The following EYA2 variants were observed in gnomAD, a reference collection of about 807,000 sequenced individuals.
EYA2 encodes EYA transcriptional coactivator and phosphatase 2.
In EYA2, 31 loss-of-function variants were observed where a neutral mutation model predicts 69.2. That is an observed-to-expected ratio of 0.45 (90% confidence interval 0.34 to 0.60). The LOEUF is 0.60. EYA2 is among the 20% of genes least tolerant of loss of function. EYA2 has a pLI of 0.02. For synonymous variants in EYA2, 257 were observed against 279.4 expected (o/e 0.92, Z 0.80); for missense variants, 622 against 701.2 (o/e 0.89, Z 1.28).
intron 12 of EYA2, among the ~76,000 whole-genome samples, chr20:47,174,210 GCCCCCT>G (rs1162837938): frequency 6.6e-6 from 1 of 152,070 alleles, no homozygotes; most frequent in Non-Finnish European, 1.5e-5. Context: ...AACTTCTAGG[GCCCCCT>G]CCCTCCATTC....
chr20:46,970,536 C>T (rs189578347), intron 1 of EYA2, among the ~76,000 whole-genome samples: 1 of 152,178 alleles, frequency 6.6e-6, no homozygotes, highest in Non-Finnish European at 1.5e-5. Context: ...AGTGCCAAGG[C>T]TGAGAATTTC....
chr20:46,993,443 C>T (rs1242608381), intron 2 of EYA2, among the ~76,000 whole-genome samples: 1 of 152,214 alleles, frequency 6.6e-6, no homozygotes, highest in Admixed American at 6.5e-5. Context: ...TTTCCTCTGT[C>T]TGGACCAGTC....
intron 4 of EYA2, among the ~76,000 whole-genome samples, chr20:47,012,262 C>T (rs917618842): frequency 3.3e-5 from 5 of 152,168 alleles, no homozygotes; most frequent in Non-Finnish European, 7.3e-5. Flanking sequence ...GCCTCTTTCT[C>T]TTTGCTGTGA....
In EYA2 at chr20:46,955,296, G is replaced by A. The variant is rs142931926; in HGVS notation, c.-10-34705G>A. 2.1e-3 allele frequency among the ~76,000 whole-genome samples: 320 copies of A among 152,144 alleles called. 2 individuals carry two copies. The highest frequency in any genetic ancestry group is 5.0e-3 in the African/African-American group (207 of 41,504). On this transcript the variant is annotated intron_variant, in intron 1 of 15. Coordinates refer to ENST00000327619, the MANE Select transcript of EYA2 (RefSeq NM_005244.5). ...ACAGGCGTGAGCCACCAGGCCCACC[G>A]GGCCCAGCTGTCATTATTTATTTAA...
intron 4 of EYA2, among the ~76,000 whole-genome samples, chr20:47,011,093 G>A (rs1441315685): frequency 6.6e-6 from 1 of 152,056 alleles, no homozygotes; most frequent in East Asian, 1.9e-4. Context: ...CTGGCCTGAT[G>A]TTTAAAAATA....
intron 12 of EYA2, among the ~76,000 whole-genome samples, chr20:47,179,226 G>A (rs2034483335): frequency 6.9e-6 from 1 of 145,274 alleles, no homozygotes; most frequent in African/African-American, 2.5e-5. Context: ...TGGATATGGG[G>A]TAGATGGGTG....
At chr20:47,038,137 AAAT>A (rs1418678731) in intron 5 of EYA2, among the ~76,000 whole-genome samples, 3 of 152,194 alleles carry the variant, frequency 2.0e-5, no homozygotes, top group Non-Finnish European at 4.4e-5. Flanking sequence ...CATGTAGAAA[AAAT>A]AATAGAGCAA....
At chr20:47,021,263 C>T (rs1250172671) in intron 5 of EYA2, among the ~76,000 whole-genome samples, 1 of 152,174 alleles carries the variant, frequency 6.6e-6, no homozygotes, top group African/African-American at 2.4e-5. Context: ...AAGAGGAATA[C>T]TAATCTGAGA....
chr20:47,100,717 C>G (rs1247687281), intron 9 of EYA2, among the ~76,000 whole-genome samples: 1 of 152,234 alleles, frequency 6.6e-6, no homozygotes, highest in Non-Finnish European at 1.5e-5. Flanking sequence ...CTTCATGACT[C>G]TCCTAGAATT....
At chr20:46,911,820 T>C (rs1048674898) in intron 1 of EYA2, among the ~76,000 whole-genome samples, 2 of 152,112 alleles carry the variant, frequency 1.3e-5, no homozygotes, top group Non-Finnish European at 2.9e-5. Context: ...AGAAGCTGGC[T>C]AATGGGTAGA....
intron 10 of EYA2, among the ~76,000 whole-genome samples, chr20:47,144,425 C>A (rs577433234): frequency 4.2e-4 from 64 of 152,064 alleles, no homozygotes; most frequent in African/African-American, 1.4e-3. Context: ...AATTCTATTT[C>A]TCTTAGTAGG....
intron 5 of EYA2, among the ~76,000 whole-genome samples, chr20:47,028,889 A>C (rs1244126550): frequency 6.6e-6 from 1 of 152,232 alleles, no homozygotes; most frequent in Admixed American, 6.5e-5. Flanking sequence ...GCCCCACCCC[A>C]TTAAAGCTGG....
intron 5 of EYA2, among the ~76,000 whole-genome samples, chr20:47,049,233 AC>A (rs1370144049): frequency 6.6e-6 from 1 of 152,220 alleles, no homozygotes; most frequent in African/African-American, 2.4e-5. Flanking sequence ...CCTAATGTGA[AC>A]CTCTTACATA....
At position 47,016,986 on chromosome 20, in the gene EYA2, G is replaced by A. The variant is rs113514277; in HGVS notation, c.415+689G>A. On this transcript the variant is annotated intron_variant, in intron 5 of 15. Transcript: ENST00000327619. ...TATTGGACAGTCGGGTGAAGAAGCT[G>A]TTATTCCAGGCAGGAGGATCAAGGC... Among the ~76,000 whole-genome samples, 7 of 152,312 alleles carry A rather than the reference G, an allele frequency of 4.6e-5. 1 individual carries two copies. Among genetic ancestry groups the A allele is most frequent in the African/African-American group, 7.2e-5 (3 of 41,550 alleles).
Position 47,188,177 on chromosome 20 carries a change from C to T in EYA2, c.*44C>T, listed in dbSNP as rs1170944076. ...CACCTGCCATCTCACCCTCAGACCCCCTCGCCTTCCCCACCTCCCCACCGA... is the reference window on the plus strand; with the variant it reads ...CACCTGCCATCTCACCCTCAGACCCTCTCGCCTTCCCCACCTCCCCACCGA... On this transcript the variant is annotated 3_prime_UTR_variant, in exon 16 of 16. Transcript: ENST00000327619. 1.3e-6 allele frequency: 2 copies of T among 1,525,172 alleles called. No homozygotes were observed. The highest frequency in any genetic ancestry group is 8.8e-7 in the Non-Finnish European group (1 of 1,131,708). The allele number at this position is 1,525,172 out of a possible 1,614,324, so 94.5% of individuals were successfully genotyped here.
At chr20:46,896,288 C>T (rs1265369846) in intron 1 of EYA2, among the ~76,000 whole-genome samples, 1 of 151,966 alleles carries the variant, frequency 6.6e-6, no homozygotes, top group Non-Finnish European at 1.5e-5. Context: ...TTTCATGAGC[C>T]GTTTCTTGAT....
chr20:47,137,865 C>T (rs528435389), intron 9 of EYA2, among the ~76,000 whole-genome samples: 1 of 152,134 alleles, frequency 6.6e-6, no homozygotes, highest in East Asian at 1.9e-4. Flanking sequence ...TGGAAATCAT[C>T]ATTCTCAGTA....
chr20:47,158,498 CAA>C (rs2034000793), intron 10 of EYA2, among the ~76,000 whole-genome samples: 2 of 148,092 alleles, frequency 1.4e-5, no homozygotes, highest in African/African-American at 2.5e-5. Flanking sequence ...GCCTGGGTGA[CAA>C]GAGTGAAACT....
Position 47,086,579 on chromosome 20 carries a change from T to C in EYA2, c.662-2660T>C, listed in dbSNP as rs376546982. Among the ~76,000 whole-genome samples the C allele has an allele frequency of 9.2e-5, 14 of 152,224 alleles. No individual in the cohort carries two copies. The South Asian group carries it at 2.9e-3, about 32-fold the overall frequency. ...CACATTTTTAAACAGCCAGATCTCATGAGAACTCACTCACTGTGCGGTACC... is the reference window on the plus strand; with the variant it reads ...CACATTTTTAAACAGCCAGATCTCACGAGAACTCACTCACTGTGCGGTACC... On this transcript the variant is annotated intron_variant, in intron 7 of 15. Coordinates refer to ENST00000327619, the MANE Select transcript of EYA2 (RefSeq NM_005244.5).
Sources: allele counts gnomAD v4.1 joint callset (sites outside exome capture counted in the v4.1 genomes callset), GRCh38; gene constraint gnomAD v4.1.1; transcripts MANE v1.5; gene names NCBI Gene and HGNC (gene_info 2026-07-23, HGNC 2026-07-21).